Variants in PAQR5 observed in about 807,000 individuals in gnomAD.
PAQR5 encodes the protein progestin and adipoQ receptor family member 5.
A neutral mutation model predicts 34.5 loss-of-function variants in PAQR5; 20 were observed. The ratio of observed to expected loss-of-function variants is 0.58; its 90% CI spans 0.41 to 0.84. PAQR5 has a LOEUF of 0.84. PAQR5 is among the 40% of genes least tolerant of loss of function. The pLI is 0.00. For missense variants in PAQR5, 378 were observed against 412.7 expected (o/e 0.92, Z 0.73); for synonymous variants, 131 against 155.6 (o/e 0.84, Z 1.18).
chr15:69,305,126 A>G (rs1412836820), intron 1 of PAQR5, among the ~76,000 whole-genome samples: 2 of 152,008 alleles, frequency 1.3e-5, no homozygotes, highest in Non-Finnish European at 2.9e-5. Flanking sequence ...GGCGGTGGAG[A>G]GGGGGGATGT....
At chr15:69,375,395 G>T (rs907899780) in intron 3 of PAQR5, among the ~76,000 whole-genome samples, 1 of 152,148 alleles carries the variant, frequency 6.6e-6, no homozygotes, top group African/African-American at 2.4e-5. Context: ...GAATGCAGTT[G>T]CATCTGAGGT....
At chr15:69,370,580 C>T (rs371958364) in intron 3 of PAQR5, among the ~76,000 whole-genome samples, 11 of 152,218 alleles carry the variant, frequency 7.2e-5, no homozygotes, top group African/African-American at 2.2e-4. Context: ...AGTGGAATGG[C>T]GCGATCTTGG....
intron 1 of PAQR5, among the ~76,000 whole-genome samples, chr15:69,309,035 G>A (rs750611546): frequency 7.2e-5 from 11 of 152,192 alleles, no homozygotes; most frequent in South Asian, 2.1e-4. Flanking sequence ...AGCATGCTGG[G>A]TTGGAGATAC....
intron 2 of PAQR5, among the ~76,000 whole-genome samples, chr15:69,354,966 C>A (rs1595887664): frequency 6.6e-6 from 1 of 152,184 alleles, no homozygotes; most frequent in Non-Finnish European, 1.5e-5. Context: ...CTTGCACCTC[C>A]ACCCCGCAGA....
At chr15:69,379,854 C>T (rs758922674) in intron 3 of PAQR5, 29 bp from the exon 4 acceptor site, 1 of 1,609,282 alleles carries the variant, frequency 6.2e-7, no homozygotes, top group South Asian at 1.1e-5. Flanking sequence ...CTGGTCTCAC[C>T]TCAGTGTCCT....
intron 4 of PAQR5, 126 bp downstream of exon 4, chr15:69,380,136 A>C: frequency 9.9e-7 from 1 of 1,010,102 alleles, no homozygotes; most frequent in South Asian, 1.5e-5. Context: ...CCCCGTGGGT[A>C]CACGCGGGTG....
rs2055188147 is a variant in PAQR5 at position 69,359,904 on chromosome 15, G to A, written c.-115-62G>A. 6.7e-6 allele frequency: 4 copies of A among 598,286 alleles called. No homozygotes were observed. In the Admixed American group the frequency reaches 8.7e-5, roughly 13 times the overall value. The allele number at this position is 598,286 out of a possible 1,614,324, so 37.1% of individuals were successfully genotyped here. The stretch of plus-strand genomic sequence containing the variant: ...TGTTCAATAGTTGAACAAGCTGACT[G>A]TCCTGACCCAGCTGGAGTTAGGCTG... On this transcript the variant is annotated intron_variant, in intron 2 of 8. Transcript: ENST00000395407.
intron 1 of PAQR5, among the ~76,000 whole-genome samples, chr15:69,322,542 T>C (rs1430993111): frequency 7.0e-6 from 1 of 143,114 alleles, no homozygotes; most frequent in Non-Finnish European, 1.5e-5. Flanking sequence ...TCCAAGCTAC[T>C]CAGGAGGGAG....
intron 1 of PAQR5, among the ~76,000 whole-genome samples, chr15:69,316,083 TA>T (rs1205107825): frequency 2.6e-5 from 4 of 152,186 alleles, no homozygotes; most frequent in Admixed American, 1.3e-4. Context: ...TAGGGTTTTT[TA>T]TTTTTTTATT....
chr15:69,398,625 CGTTCT>C (rs2056529071), intron 7 of PAQR5, among the ~76,000 whole-genome samples: 2 of 152,170 alleles, frequency 1.3e-5, no homozygotes, highest in South Asian at 4.1e-4. Context: ...GCATTGAGCA[CGTTCT>C]CTGTGCTCTG....
chr15:69,379,702 G>A, intron 3 of PAQR5, 181 bp from the exon 4 acceptor site: 2 of 783,118 alleles, frequency 2.6e-6, no homozygotes, highest in Non-Finnish European at 3.1e-6. Flanking sequence ...GCTTCTTGGA[G>A]GACAAGGGAT....
chr15:69,387,357 G>T (rs1386714577), intron 5 of PAQR5, among the ~76,000 whole-genome samples: 1 of 152,244 alleles, frequency 6.6e-6, no homozygotes, highest in African/African-American at 2.4e-5. Context: ...TGGTCCAGGT[G>T]CTGGCACCTG....
At chr15:69,394,794 G>C (rs889829586) in intron 6 of PAQR5, among the ~76,000 whole-genome samples, 8 of 152,352 alleles carry the variant, frequency 5.3e-5, no homozygotes, top group African/African-American at 1.9e-4. Context: ...ACATCGCGTG[G>C]CCTAATGCGG....
intron 8 of PAQR5, among the ~76,000 whole-genome samples, chr15:69,402,138 C>G (rs2056648059): frequency 1.3e-5 from 2 of 152,096 alleles, no homozygotes; most frequent in Non-Finnish European, 2.9e-5. Context: ...CTGTTGTGGC[C>G]TAAACAACTG....
chr15:69,339,172 C>CCCCTA (rs1555415759), intron 2 of PAQR5, among the ~76,000 whole-genome samples: 2 of 144,386 alleles, frequency 1.4e-5, no homozygotes, highest in African/African-American at 4.9e-5. Flanking sequence ...CTGGCTACAC[C>CCCCTA]CCCCACCCCG....
intron 1 of PAQR5, among the ~76,000 whole-genome samples, chr15:69,319,184 T>TAA (rs1566995834): frequency 6.5e-3 from 17 of 2,626 alleles, no homozygotes; most frequent in South Asian, 0.083. Context: ...TATATATATA[T>TAA]ATATATATAT....
intron 2 of PAQR5, among the ~76,000 whole-genome samples, chr15:69,359,104 A>G (rs1429976899): frequency 6.6e-6 from 1 of 152,118 alleles, no homozygotes; most frequent in African/African-American, 2.4e-5. Flanking sequence ...GTCTCCTTCT[A>G]TGTGTCTTCA....
At chr15:69,369,287 A>G (rs1346028359) in intron 3 of PAQR5, among the ~76,000 whole-genome samples, 1 of 152,108 alleles carries the variant, frequency 6.6e-6, no homozygotes, top group Non-Finnish European at 1.5e-5. Context: ...TGTAATCCCA[A>G]CACTTTGGGA....
chr15:69,369,369 C>G (rs1193179002), intron 3 of PAQR5, among the ~76,000 whole-genome samples: 1 of 152,088 alleles, frequency 6.6e-6, no homozygotes, highest in Non-Finnish European at 1.5e-5. Flanking sequence ...AACCCTGTCT[C>G]TACTAAAAGT....
Sources: allele counts gnomAD v4.1 joint callset (sites outside exome capture counted in the v4.1 genomes callset), GRCh38; gene constraint gnomAD v4.1.1; transcripts MANE v1.5; gene names NCBI Gene and HGNC (gene_info 2026-07-23, HGNC 2026-07-21).